The following ABI2 variants were observed in gnomAD, a reference collection of about 807,000 sequenced individuals.
ABI2 encodes abelson interactor 2.
A neutral mutation model predicts 59.2 loss-of-function variants in ABI2; 25 were observed. That is an observed-to-expected ratio of 0.42 (90% CI 0.31 to 0.59). The LOEUF (loss-of-function observed/expected upper bound fraction) is 0.59. Ranked by LOEUF, ABI2 falls within the 20% of genes least tolerant of loss-of-function variation. The pLI is 0.14. For synonymous variants in ABI2, 213 were observed against 235.5 expected, an observed-to-expected ratio of 0.90 and a Z score of 0.87; for missense variants, 545 against 681.8, an observed-to-expected ratio of 0.80 and a Z score of 2.23.
At chr2:203,338,232 A>G (rs529781503) in intron 1 of ABI2, among the ~76,000 whole-genome samples, 1 of 152,364 alleles carries the variant, frequency 6.6e-6, no homozygotes, top group African/African-American at 2.4e-5. Flanking sequence ...ATGAAATTTG[A>G]TTGTTATATC....
intron 2 of ABI2, chr2:203,376,051 A>G: frequency 6.5e-7 from 1 of 1,529,648 alleles, no homozygotes; most frequent in East Asian, 2.4e-5. Context: ...AAATATCTAT[A>G]CTTAGGCAAA....
chr2:203,331,108 CTT>C (rs1482261763), intron 1 of ABI2, among the ~76,000 whole-genome samples: 1 of 151,982 alleles, frequency 6.6e-6, no homozygotes, highest in African/African-American at 2.4e-5. Context: ...TACACTTTCT[CTT>C]TTTTGATTAT....
intron 1 of ABI2, among the ~76,000 whole-genome samples, chr2:203,350,249 G>A (rs113951639): frequency 2.0e-4 from 31 of 152,212 alleles, no homozygotes; most frequent in Non-Finnish European, 4.1e-4. Flanking sequence ...GCTAATTCTC[G>A]TATTTTTAGT....
At chr2:203,365,974 C>G (rs902684705) in intron 1 of ABI2, among the ~76,000 whole-genome samples, 1 of 151,854 alleles carries the variant, frequency 6.6e-6, no homozygotes, top group African/African-American at 2.4e-5. Flanking sequence ...GTATTTTTAT[C>G]TTTGTTTATT....
chr2:203,343,991 G>A (rs2081611732), intron 1 of ABI2, among the ~76,000 whole-genome samples: 1 of 151,708 alleles, frequency 6.6e-6, no homozygotes, highest in South Asian at 2.1e-4. Flanking sequence ...GAAATTAGCT[G>A]GATATAGAGG....
intron 9 of ABI2, among the ~76,000 whole-genome samples, chr2:203,408,165 CTTTT>C (rs11302309): frequency 6.9e-6 from 1 of 144,736 alleles, no homozygotes; most frequent in Admixed American, 6.9e-5. Context: ...TGCTGGTGGA[CTTTT>C]TTTTTTTTTT....
At chr2:203,331,348 CTT>C (rs201209202) in intron 1 of ABI2, among the ~76,000 whole-genome samples, 9 of 85,304 alleles carry the variant, frequency 1.1e-4, no homozygotes, top group Non-Finnish European at 1.7e-4. Flanking sequence ...TCAATTTAGC[CTT>C]TTTTTTTTTT....
intron 8 of ABI2, among the ~76,000 whole-genome samples, chr2:203,401,255 TC>T (rs1298587902): frequency 6.6e-6 from 1 of 151,920 alleles, no homozygotes; most frequent in African/African-American, 2.4e-5. Context: ...TCCTTTCCTT[TC>T]CCCTCTGCTA....
chr2:203,427,323 G>A lies in ABI2; in HGVS notation c.1600G>A (p.Val534Ile), dbSNP rs374111967. 9 of 1,614,014 alleles carry A rather than the reference G, an allele frequency of 5.6e-6. No individual in the cohort carries two copies. Among genetic ancestry groups the A allele is most frequent in the South Asian group, 2.2e-5 (2 of 91,068 alleles). ...GACTGGGCTTTTTCCTGGGAATTAC[G>A]TTGAGTCTATCATGCATTATTCTGA... ...GVTGLFPGNY[V>I]ESIMHYSE The change falls in exon 12 of 12, where the codon GTT (valine) becomes ATT (isoleucine). Residue 534 changes from valine to isoleucine, a missense_variant. Val to Ile is a conservative substitution (Grantham distance 29). Transcript: ENST00000261018.
At chr2:203,415,908 C>A (rs1201585916) in intron 10 of ABI2, among the ~76,000 whole-genome samples, 1 of 152,166 alleles carries the variant, frequency 6.6e-6, no homozygotes, top group African/African-American at 2.4e-5. Context: ...GCTGTGGAAG[C>A]AGATCTCCAT....
chr2:203,339,138 A>G (rs1028452657), intron 1 of ABI2, among the ~76,000 whole-genome samples: 7 of 150,948 alleles, frequency 4.6e-5, no homozygotes, highest in Admixed American at 2.0e-4. Context: ...ATCACTAATC[A>G]TTAGGGAAAT....
chr2:203,390,991 A>G (rs2096722640), intron 4 of ABI2, 55 bp from the exon 5 acceptor site: 5 of 1,417,954 alleles, frequency 3.5e-6, no homozygotes, highest in African/African-American at 1.4e-5. Context: ...TTATTTCCCA[A>G]AAGTGCCACT....
intron 1 of ABI2, among the ~76,000 whole-genome samples, chr2:203,350,600 C>T (rs1220154091): frequency 2.7e-5 from 4 of 148,718 alleles, no homozygotes; most frequent in Non-Finnish European, 5.9e-5. Context: ...AGTGTAGTGG[C>T]GTGATCTCGG....
chr2:203,342,255 A>C (rs186888430), intron 1 of ABI2: 90 of 449,586 alleles, frequency 2.0e-4, no homozygotes, highest in African/African-American at 1.7e-3. Flanking sequence ...GACCAAGTCC[A>C]GTTCTGTTAC....
Position 203,399,758 on chromosome 2 carries a change from G to A in ABI2, c.1033+2791G>A, listed in dbSNP as rs1007137408. ...TTGAACTCCTGACCTCAGGTGATCC[G>A]CCCGCCTCAGCCTCCCAAAGTGCTG... On this transcript the variant is annotated intron_variant, in intron 8 of 11. Coordinates refer to ENST00000261018, the MANE Select transcript of ABI2 (RefSeq NM_001375670.1). 1.1e-4 allele frequency among the ~76,000 whole-genome samples: 16 copies of A among 152,092 alleles called. No homozygotes were observed. The East Asian group carries it at 1.7e-3, about 17-fold the overall frequency.
intron 6 of ABI2, 144 bp downstream of exon 6, chr2:203,394,990 C>T: frequency 3.3e-6 from 3 of 918,254 alleles, no homozygotes; most frequent in Non-Finnish European, 5.2e-6. Flanking sequence ...TCACCTCTCT[C>T]TCCTCATGTT....
intron 1 of ABI2, among the ~76,000 whole-genome samples, chr2:203,331,808 CTTT>C (rs55695294): frequency 0.043 from 5,226 of 121,978 alleles, 109 homozygotes; most frequent in Non-Finnish European, 0.063. Flanking sequence ...GCTCAGTGTT[CTTT>C]TTTTTTTTTT....
At chr2:203,385,084 C>T (rs1393504671) in intron 4 of ABI2, among the ~76,000 whole-genome samples, 7 of 149,650 alleles carry the variant, frequency 4.7e-5, no homozygotes, top group East Asian at 2.0e-4. Flanking sequence ...CCACCCGCCT[C>T]GGCCTCCCAA....
At position 203,392,989 on chromosome 2, in the gene ABI2, T is replaced by C. The variant is rs1233131576; in HGVS notation, c.579-1711T>C. 2.6e-5 allele frequency among the ~76,000 whole-genome samples: 4 copies of C among 152,168 alleles called. No homozygotes were observed. In the South Asian group the frequency reaches 8.3e-4, roughly 32 times the overall value. On this transcript the variant is annotated intron_variant, in intron 5 of 11. Coordinates refer to ENST00000261018, the MANE Select transcript of ABI2 (RefSeq NM_001375670.1). ...CTCCTTTTTTTTTTAAAAAAAATCT[T>C]ATTTGTGTCATTGCCTTCACTCTGT...
Sources: allele counts gnomAD v4.1 joint callset (sites outside exome capture counted in the v4.1 genomes callset), GRCh38; gene constraint gnomAD v4.1.1; transcripts MANE v1.5; gene names NCBI Gene and HGNC (gene_info 2026-07-23, HGNC 2026-07-21).